Variants in CD226 observed in about 807,000 individuals in gnomAD.
CD226 encodes CD226 antigen.
In CD226, 24 loss-of-function variants were observed where a neutral mutation model predicts 34.9. The observed-to-expected ratio is 0.69, with a 90% CI of 0.50 to 0.97. CD226 has a LOEUF of 0.97. Ranked by LOEUF, CD226 falls within the 50% of genes least tolerant of loss-of-function variation. The pLI, the probability that CD226 is intolerant of heterozygous loss-of-function variation, is 0.00. For missense variants in CD226, 397 were observed against 412.7 expected (o/e 0.96, Z 0.33); for synonymous variants, 148 against 147.4 (o/e 1.00, Z -0.03).
At chr18:69,873,023 G>A in intron 4 of CD226, 121 bp downstream of exon 4, 1 of 692,234 alleles carries the variant, frequency 1.4e-6, no homozygotes, top group Non-Finnish European at 2.6e-6. Flanking sequence ...CCTCCTTTGT[G>A]TTAGAACAGT....
chr18:69,940,049 TC>T, intron 2 of CD226, among the ~76,000 whole-genome samples: 1 of 152,156 alleles, frequency 6.6e-6, no homozygotes, highest in East Asian at 1.9e-4. Context: ...GGGGGTGGTT[TC>T]CCCCATCCTG....
chr18:69,901,572 A>G lies in CD226; in HGVS notation c.383-5527T>C, dbSNP rs149490755. ...TTTGTATATGTTTGAAACTTCCATT[A>G]AAAAAGCTTTAAAAGTATTTATTTG... On this transcript the variant is annotated intron_variant, in intron 2 of 5. Transcript: ENST00000582621. Among the ~76,000 whole-genome samples the G allele has an allele frequency of 3.2e-3, 494 of 152,232 alleles. 3 individuals are homozygous for G. Among genetic ancestry groups the G allele is most frequent in the African/African-American group, 0.012 (479 of 41,528 alleles).
chr18:69,919,328 G>A (rs1283344711), intron 2 of CD226, among the ~76,000 whole-genome samples: 1 of 152,082 alleles, frequency 6.6e-6, no homozygotes, highest in Non-Finnish European at 1.5e-5. Flanking sequence ...CGCTGTCAGG[G>A]AGCTTTTTTC....
At chr18:69,950,122 GCACA>G (rs200691081), upstream of CD226, among the ~76,000 whole-genome samples, 1,981 of 151,418 alleles carry the variant, frequency 0.013, 24 homozygotes, top group South Asian at 0.039. Flanking sequence ...GCTCACATAT[GCACA>G]CACAATCTCA....
intron 2 of CD226, among the ~76,000 whole-genome samples, chr18:69,933,413 C>T (rs1031554494): frequency 3.3e-5 from 5 of 152,160 alleles, no homozygotes; most frequent in African/African-American, 1.2e-4. Context: ...GAACTTCCTC[C>T]CTCTTCCTGC....
At chr18:69,923,883 G>A (rs1168316147) in intron 2 of CD226, among the ~76,000 whole-genome samples, 1 of 151,680 alleles carries the variant, frequency 6.6e-6, no homozygotes, top group Non-Finnish European at 1.5e-5. Context: ...GAACCCAGGA[G>A]GCGGAGCTTG....
intron 2 of CD226, among the ~76,000 whole-genome samples, chr18:69,917,277 T>G (rs2055397422): frequency 6.6e-6 from 1 of 152,218 alleles, no homozygotes; most frequent in Non-Finnish European, 1.5e-5. Context: ...TTTCTCCAAG[T>G]GTCAGCTCTG....
intron 4 of CD226, among the ~76,000 whole-genome samples, chr18:69,869,368 C>A (rs1983359283): frequency 1.3e-5 from 2 of 152,156 alleles, no homozygotes; most frequent in African/African-American, 4.8e-5. Context: ...ACGGATAGAG[C>A]TGGAGGCCAT....
At chr18:69,950,274 T>A (rs1049841851), upstream of CD226, among the ~76,000 whole-genome samples, 19 of 152,196 alleles carry the variant, frequency 1.2e-4, no homozygotes, top group Middle Eastern at 3.4e-3. Context: ...TCTCTCTCTC[T>A]CACACACATA....
chr18:69,919,413 G>A (rs1282784916), intron 2 of CD226, among the ~76,000 whole-genome samples: 1 of 152,108 alleles, frequency 6.6e-6, no homozygotes, highest in African/African-American at 2.4e-5. Context: ...AAGAAGTCTT[G>A]AACCAAGGAA....
At chr18:69,870,960 G>A (rs1030095026) in intron 4 of CD226, among the ~76,000 whole-genome samples, 12 of 152,196 alleles carry the variant, frequency 7.9e-5, no homozygotes, top group Admixed American at 7.9e-4. Context: ...CCCTTGTGGT[G>A]TGCATCCATG....
intron 4 of CD226, among the ~76,000 whole-genome samples, chr18:69,872,188 A>C (rs1983576436): frequency 1.3e-5 from 2 of 152,058 alleles, no homozygotes; most frequent in Non-Finnish European, 2.9e-5. Flanking sequence ...CCAGACATGA[A>C]AAATATAGAC....
intron 4 of CD226, among the ~76,000 whole-genome samples, chr18:69,869,355 G>A (rs574118290): frequency 4.5e-4 from 69 of 152,292 alleles, no homozygotes; most frequent in African/African-American, 1.6e-3. Context: ...CCTTTGCAGG[G>A]ACACGGATAG....
intron 2 of CD226, among the ~76,000 whole-genome samples, chr18:69,927,742 T>C (rs2055540577): frequency 6.6e-6 from 1 of 152,242 alleles, no homozygotes; most frequent in African/African-American, 2.4e-5. Context: ...GAATATTCCA[T>C]TGTATATATT....
At chr18:69,902,248 A>G (rs2055196227) in intron 2 of CD226, among the ~76,000 whole-genome samples, 1 of 152,008 alleles carries the variant, frequency 6.6e-6, no homozygotes, top group South Asian at 2.1e-4. Context: ...ATTCCTGAAA[A>G]CCAACTTTGG....
intron 5 of CD226, 68 bp downstream of exon 5, chr18:69,867,289 T>C: frequency 9.7e-7 from 1 of 1,034,240 alleles, no homozygotes; most frequent in Non-Finnish European, 1.5e-6. Context: ...GATTGCTAAC[T>C]GCAAAAGAGA....
chr18:69,890,409 T>C (rs1984824077), intron 3 of CD226, among the ~76,000 whole-genome samples: 1 of 151,952 alleles, frequency 6.6e-6, no homozygotes, highest in Non-Finnish European at 1.5e-5. Context: ...AAACCCCATC[T>C]CTACCAAAAA....
At chr18:69,959,456 C>A (rs1029031785), upstream of CD226, among the ~76,000 whole-genome samples, 1 of 152,190 alleles carries the variant, frequency 6.6e-6, no homozygotes, top group Non-Finnish European at 1.5e-5. Context: ...TCCCTAGTTG[C>A]AGCATCGCAT....
chr18:69,932,403 G>T (rs1362564755), intron 2 of CD226, among the ~76,000 whole-genome samples: 3 of 152,176 alleles, frequency 2.0e-5, no homozygotes, highest in Non-Finnish European at 4.4e-5. Flanking sequence ...AAGCATGTGG[G>T]TTTGCTGTGA....
Sources: gnomAD v4.1 joint callset for allele counts (sites outside exome capture counted in the v4.1 genomes callset) on GRCh38, gnomAD v4.1.1 for gene constraint, MANE v1.5 for transcripts, NCBI Gene and HGNC (gene_info 2026-07-23, HGNC 2026-07-21) for gene names.